The following ABCD2 variants were observed in gnomAD, a reference collection of about 807,000 sequenced individuals.
The protein encoded by ABCD2 is ATP binding cassette subfamily D member 2.
ABCD2 carries 36 observed loss-of-function variants against 70.9 expected under a neutral mutation model. The observed-to-expected ratio is 0.51, with a 90% CI of 0.39 to 0.67. ABCD2 has a LOEUF of 0.67. ABCD2 is among the 30% of genes least tolerant of loss of function. The pLI, the probability that ABCD2 is intolerant of heterozygous loss-of-function variation, is 0.00. For synonymous variants in ABCD2, 304 were observed against 306.9 expected, an observed-to-expected ratio of 0.99 and a Z score of 0.10; for missense variants, 729 against 890.2, an observed-to-expected ratio of 0.82 and a Z score of 2.30.
At chr12:39,564,142 C>A (rs1439501856) in intron 9 of ABCD2, among the ~76,000 whole-genome samples, 4 of 152,134 alleles carry the variant, frequency 2.6e-5, no homozygotes, top group African/African-American at 9.7e-5. Context: ...TGTATATACC[C>A]AGTAATGGGA....
chr12:39,568,689 GGA>G (rs1245787035), intron 9 of ABCD2, among the ~76,000 whole-genome samples: 1 of 152,190 alleles, frequency 6.6e-6, no homozygotes, highest in African/African-American at 2.4e-5. Flanking sequence ...TTCCTTTGGA[GGA>G]GGAGAGGTGC....
At chr12:39,582,174 T>C (rs80194462) in intron 7 of ABCD2, among the ~76,000 whole-genome samples, 11,169 of 152,246 alleles carry the variant, frequency 0.073, 597 homozygotes, top group South Asian at 0.28. Flanking sequence ...TTTTTTTATG[T>C]GCAAGGATAT....
chr12:39,589,233 A>C (rs985671183), intron 6 of ABCD2, among the ~76,000 whole-genome samples: 1 of 152,176 alleles, frequency 6.6e-6, no homozygotes, highest in South Asian at 2.1e-4. Context: ...ACAAGCCATT[A>C]GGTTGAAGGA....
At chr12:39,569,583 C>T (rs567895915) in intron 9 of ABCD2, among the ~76,000 whole-genome samples, 4 of 152,262 alleles carry the variant, frequency 2.6e-5, no homozygotes, top group South Asian at 2.1e-4. Flanking sequence ...CTGGGTGAGG[C>T]GATGCCTCGC....
At chr12:39,531,909 A>G in the ABCD2 span, among the ~76,000 whole-genome samples, 1 of 152,254 alleles carries the variant, frequency 6.6e-6, no homozygotes, top group Admixed American at 6.5e-5. Flanking sequence ...CGTATTCCCA[A>G]AGAAGACTGA....
At chr12:39,544,031 G>A in the ABCD2 span, among the ~76,000 whole-genome samples, 1 of 152,160 alleles carries the variant, frequency 6.6e-6, no homozygotes, top group African/African-American at 2.4e-5. Context: ...TAGAGAAAGA[G>A]TAATTCATGC....
At chr12:39,605,471 C>T (rs1334151548) in intron 3 of ABCD2, among the ~76,000 whole-genome samples, 1 of 152,074 alleles carries the variant, frequency 6.6e-6, no homozygotes, top group East Asian at 1.9e-4. Flanking sequence ...GTATAATTCC[C>T]CCAATCCAGC....
chr12:39,536,457 A>G, the ABCD2 span, among the ~76,000 whole-genome samples: 1 of 152,230 alleles, frequency 6.6e-6, no homozygotes, highest in Non-Finnish European at 1.5e-5. Flanking sequence ...AAGAAAAGGC[A>G]CATATAAACT....
In ABCD2 at chr12:39,603,662, T is replaced by C. The variant is rs556170545; in HGVS notation, c.1500+250A>G. 8.5e-5 allele frequency among the ~76,000 whole-genome samples: 13 copies of C among 152,160 alleles called. No individual in the cohort carries two copies. The South Asian group carries it at 2.7e-3, about 32-fold the overall frequency. The stretch of plus-strand genomic sequence containing the variant: ...AAATTTCTCATGAAATTTCCTATTG[T>C]TCCCCAAAATTACCTTGTACACTAT... On this transcript the variant is annotated intron_variant, in intron 5 of 9. Transcript: ENST00000308666.
chr12:39,598,175 C>A (rs1941845351), intron 6 of ABCD2, among the ~76,000 whole-genome samples: 1 of 152,110 alleles, frequency 6.6e-6, no homozygotes, highest in Non-Finnish European at 1.5e-5. Flanking sequence ...TTCTCCCATG[C>A]AAGTAACAAT....
intron 9 of ABCD2, among the ~76,000 whole-genome samples, chr12:39,563,909 A>C (rs1941300257): frequency 6.6e-6 from 1 of 152,184 alleles, no homozygotes; most frequent in Non-Finnish European, 1.5e-5. Context: ...TAGTTTGCTG[A>C]GAATGATGGT....
chr12:39,576,836 A>G (rs1010345781), intron 8 of ABCD2, among the ~76,000 whole-genome samples: 1 of 152,234 alleles, frequency 6.6e-6, no homozygotes, highest in African/African-American at 2.4e-5. Flanking sequence ...TATTGGTTAC[A>G]TAATGTAGAA....
Position 39,607,634 on chromosome 12 carries a change from C to T in ABCD2, c.1201G>A (p.Asp401Asn). The T allele has an allele frequency of 6.2e-7, 1 of 1,613,308 alleles. No homozygotes were observed. The change falls in exon 3 of 10, where the codon GAT becomes AAT. Residue 401 changes from aspartate (D) to asparagine (N), a missense_variant. Physicochemically the swap from Asp to Asn is conservative, Grantham distance 23 (BLOSUM62 1). Coordinates refer to ENST00000308666, the MANE Select transcript of ABCD2 (RefSeq NM_005164.4). Reference protein sequence around the residue: ...TARNLLASGADAIERIMSSYK... With the variant: ...TARNLLASGANAIERIMSSYK... ...GAAGACATAATCCTTTCAATAGCAT[C>T]AGCTCCAGAGGCCAGTAAATTTCGA...
chr12:39,549,995 G>A (rs1941065422), downstream of ABCD2: 1 of 151,650 alleles, frequency 6.6e-6, no homozygotes, highest in Admixed American at 6.6e-5. Context: ...TCTGACTGAG[G>A]GCATTCATTT....
the ABCD2 span, among the ~76,000 whole-genome samples, chr12:39,540,628 C>T: frequency 2.0e-5 from 3 of 152,144 alleles, no homozygotes; most frequent in East Asian, 5.8e-4. Context: ...AAACATTTGT[C>T]ATCTATTGTA....
In ABCD2 at chr12:39,586,261, G is replaced by T. The variant is rs74088751; in HGVS notation, c.1683C>A (p.Val561=). The T allele has an allele frequency of 4.5e-4, 730 of 1,613,356 alleles. 2 individuals are homozygous for T. In the African/African-American group the frequency reaches 8.5e-3, roughly 19 times the overall value. Residue 561 remains valine, a synonymous_variant, in exon 7 of 10, where the codon GTC becomes GTA. Transcript: ENST00000308666. ...TATCATCCACTGAATCAGGGTAAAT[G>T]ACTTGATCCCGAAGACTTCCAAGAG... ...YMSLGSLRDQ[V]IYPDSVDDMH...
chr12:39,549,105 G>T (rs981009111), downstream of ABCD2, among the ~76,000 whole-genome samples: 1 of 151,884 alleles, frequency 6.6e-6, no homozygotes, highest in African/African-American at 2.4e-5. Flanking sequence ...GGTTTCTTAG[G>T]TTTCAAGACA....
chr12:39,590,377 G>T (rs1371451567), intron 6 of ABCD2, among the ~76,000 whole-genome samples: 1 of 152,070 alleles, frequency 6.6e-6, no homozygotes, highest in East Asian at 1.9e-4. Flanking sequence ...TGGTCAGATT[G>T]CTCCTCATTA....
rs539576706 is a variant in ABCD2 at position 39,564,324 on chromosome 12, C to T, written c.2003+9392G>A. On this transcript the variant is annotated intron_variant, in intron 9 of 9. Coordinates refer to ENST00000308666, the MANE Select transcript of ABCD2 (RefSeq NM_005164.4). ...GACTTTTTAATAATCGCCATTCTAACTGGTGTGAGATGGTATCTCACTGTG... is the reference window on the plus strand; with the variant it reads ...GACTTTTTAATAATCGCCATTCTAATTGGTGTGAGATGGTATCTCACTGTG... Among the ~76,000 whole-genome samples, 100 of 152,334 alleles carry T rather than the reference C, an allele frequency of 6.6e-4. No homozygotes were observed. In the South Asian group the frequency reaches 0.018, roughly 27 times the overall value.
Sources: allele counts gnomAD v4.1 joint callset (sites outside exome capture counted in the v4.1 genomes callset), GRCh38; gene constraint gnomAD v4.1.1; transcripts MANE v1.5; gene names NCBI Gene and HGNC (gene_info 2026-07-23, HGNC 2026-07-21).